The following RNF121 variants were observed in gnomAD, a reference collection of about 807,000 sequenced individuals.
The protein encoded by RNF121 is ring finger protein 121, also known as E3 ubiquitin ligase RNF121.
A neutral mutation model predicts 46.5 loss-of-function variants in RNF121; 21 were observed. That is an observed-to-expected ratio of 0.45 (90% CI 0.32 to 0.65). The LOEUF is 0.65. RNF121 is among the 30% of genes least tolerant of loss of function. The probability of loss-of-function intolerance (pLI) is 0.04; values close to 1 mark genes in which losing one functional copy is unlikely to be tolerated. For synonymous variants in RNF121, 139 were observed against 144.7 expected (o/e 0.96, Z 0.28); for missense variants, 346 against 416.0 (o/e 0.83, Z 1.46).
In RNF121 at chr11:71,982,865, C is replaced by T; in HGVS notation, c.348C>T (p.Ala116=). ...VIWILFSAVT[A]FVTFRATRKP... ...GGATCTTGTTCTCTGCTGTCACAGCCTTTGTTACCTTCCGAGCCACCCGAA... is the reference window on the plus strand; with the variant it reads ...GGATCTTGTTCTCTGCTGTCACAGCTTTTGTTACCTTCCGAGCCACCCGAA... The change falls in exon 4 of 9, where the codon GCC becomes GCT. Residue 116 remains alanine (A), a synonymous_variant. Coordinates refer to ENST00000361756, the MANE Select transcript of RNF121 (RefSeq NM_018320.5). 1 of 1,613,844 alleles carries T rather than the reference C, an allele frequency of 6.2e-7. No individual in the cohort carries two copies. The highest frequency in any genetic ancestry group is 2.2e-5 in the East Asian group (1 of 44,846).
At chr11:71,974,451 T>C (rs1023825583) in intron 3 of RNF121, among the ~76,000 whole-genome samples, 1 of 152,228 alleles carries the variant, frequency 6.6e-6, no homozygotes, top group African/African-American at 2.4e-5. Flanking sequence ...TTATTCTCTC[T>C]TGGAACCTCC....
intron 1 of RNF121, among the ~76,000 whole-genome samples, chr11:71,942,447 C>G (rs1421069384): frequency 6.6e-6 from 1 of 151,874 alleles, no homozygotes; most frequent in Non-Finnish European, 1.5e-5. Context: ...AGTAAAATAC[C>G]TTAGACTGGG....
chr11:71,966,301 G>A (rs113534509), intron 3 of RNF121, among the ~76,000 whole-genome samples: 3,895 of 152,262 alleles, frequency 0.026, 53 homozygotes, highest in East Asian at 0.074. Context: ...TTACAAGTGT[G>A]AGCCGCCGTG....
At chr11:71,968,718 G>T (rs1342577168) in intron 3 of RNF121, among the ~76,000 whole-genome samples, 2 of 152,018 alleles carry the variant, frequency 1.3e-5, no homozygotes, top group African/African-American at 4.8e-5. Context: ...CTAGTCCCAC[G>T]CTGGGGCTGT....
At chr11:71,989,497 A>C (rs1323930673) in intron 5 of RNF121, among the ~76,000 whole-genome samples, 2 of 152,232 alleles carry the variant, frequency 1.3e-5, no homozygotes, top group African/African-American at 2.4e-5. Flanking sequence ...GCTACTGATC[A>C]AATTAAGTGG....
chr11:71,953,217 A>G (rs1953922775), intron 1 of RNF121, among the ~76,000 whole-genome samples: 2 of 152,098 alleles, frequency 1.3e-5, no homozygotes, highest in African/African-American at 4.8e-5. Flanking sequence ...TATTTTTTGT[A>G]GAGATGGGTT....
At chr11:71,984,425 AC>A (rs1954725051) in intron 4 of RNF121, among the ~76,000 whole-genome samples, 3 of 151,102 alleles carry the variant, frequency 2.0e-5, no homozygotes, top group African/African-American at 7.3e-5. Context: ...GACTACAGGC[AC>A]CCGCCACCAC....
intron 1 of RNF121, among the ~76,000 whole-genome samples, chr11:71,935,781 C>T (rs1953388508): frequency 6.6e-6 from 1 of 151,446 alleles, no homozygotes; most frequent in Admixed American, 6.6e-5. Context: ...TTATAACTCT[C>T]ATCAGGTACT....
chr11:71,950,993 G>C (rs1470267731), intron 1 of RNF121, among the ~76,000 whole-genome samples: 2 of 152,194 alleles, frequency 1.3e-5, no homozygotes, highest in African/African-American at 4.8e-5. Flanking sequence ...GGGAGGCTGA[G>C]GTGGACGGAT....
chr11:71,978,934 C>A (rs967441689), intron 3 of RNF121, among the ~76,000 whole-genome samples: 4 of 152,176 alleles, frequency 2.6e-5, no homozygotes, highest in Non-Finnish European at 4.4e-5. Context: ...TTCAGTGTAT[C>A]ATTTCATTTT....
chr11:71,961,671 CT>C (rs2134177995), intron 3 of RNF121, among the ~76,000 whole-genome samples: 1 of 152,330 alleles, frequency 6.6e-6, no homozygotes, highest in Non-Finnish European at 1.5e-5. Flanking sequence ...CCAGTAATCA[CT>C]TTAAATATAA....
intron 5 of RNF121, among the ~76,000 whole-genome samples, chr11:71,990,076 T>A (rs1440250315): frequency 1.3e-5 from 2 of 152,146 alleles, no homozygotes; most frequent in African/African-American, 4.8e-5. Context: ...TGAGACAATC[T>A]CAGAAAGAGG....
intron 3 of RNF121, among the ~76,000 whole-genome samples, chr11:71,974,919 A>G (rs921849552): frequency 3.9e-5 from 6 of 152,214 alleles, no homozygotes; most frequent in Admixed American, 3.3e-4. Context: ...CTCAGTTTTC[A>G]TCATCTATTC....
chr11:71,980,431 C>T (rs767187597), intron 3 of RNF121, among the ~76,000 whole-genome samples: 2 of 152,184 alleles, frequency 1.3e-5, no homozygotes, highest in African/African-American at 2.4e-5. Flanking sequence ...GCCGCAACCT[C>T]CACCTCCCGG....
At chr11:71,988,246 A>T (rs979787929) in intron 5 of RNF121, among the ~76,000 whole-genome samples, 1 of 152,190 alleles carries the variant, frequency 6.6e-6, no homozygotes, top group Non-Finnish European at 1.5e-5. Context: ...ATTGAGTCAG[A>T]TGCCAAGAAA....
At chr11:71,954,104 T>C (rs1953938051) in intron 1 of RNF121, among the ~76,000 whole-genome samples, 1 of 152,226 alleles carries the variant, frequency 6.6e-6, no homozygotes, top group Non-Finnish European at 1.5e-5. Flanking sequence ...CCTTACCTAA[T>C]TAGCTACCTG....
intron 3 of RNF121, among the ~76,000 whole-genome samples, chr11:71,975,151 T>C (rs1025832730): frequency 1.3e-5 from 2 of 152,178 alleles, no homozygotes; most frequent in Non-Finnish European, 2.9e-5. Flanking sequence ...ATCTTTAAAG[T>C]ACTGTAGATT....
chr11:71,953,869 C>A (rs1953934147), intron 1 of RNF121, among the ~76,000 whole-genome samples: 1 of 152,100 alleles, frequency 6.6e-6, no homozygotes, highest in Admixed American at 6.5e-5. Context: ...GTCTTTTGAA[C>A]CTAAAAAAAA....
intron 1 of RNF121, among the ~76,000 whole-genome samples, chr11:71,955,592 G>A (rs1327808666): frequency 1.3e-5 from 2 of 152,220 alleles, no homozygotes; most frequent in African/African-American, 4.8e-5. Context: ...CAACAACAAC[G>A]AAAAATAGGG....
Sources: allele counts gnomAD v4.1 joint callset (sites outside exome capture counted in the v4.1 genomes callset), GRCh38; gene constraint gnomAD v4.1.1; transcripts MANE v1.5; gene names NCBI Gene and HGNC (gene_info 2026-07-23, HGNC 2026-07-21).